Variants in SPECC1L observed in about 807,000 individuals in gnomAD.
The protein encoded by SPECC1L is cytospin-A.
SPECC1L carries 40 observed loss-of-function variants against 116.8 expected under a neutral mutation model. The ratio of observed to expected loss-of-function variants is 0.34; its 90% CI spans 0.27 to 0.45. The LOEUF is 0.45. SPECC1L is among the 20% of genes least tolerant of loss of function. SPECC1L has a pLI of 1.00. For missense variants in SPECC1L, 1,110 were observed against 1,373.6 expected, an observed-to-expected ratio of 0.81 and a Z score of 3.03; for synonymous variants, 504 against 500.6, an observed-to-expected ratio of 1.01 and a Z score of -0.09.
chr22:24,306,222 A>G (rs2049493578), intron 3 of SPECC1L, among the ~76,000 whole-genome samples: 1 of 151,370 alleles, frequency 6.6e-6, no homozygotes, highest in South Asian at 2.1e-4. Context: ...CATTCTTTTT[A>G]TGTGCTCAGT....
intron 2 of SPECC1L, among the ~76,000 whole-genome samples, chr22:24,300,134 C>T (rs1193960775): frequency 2.0e-5 from 3 of 152,190 alleles, no homozygotes; most frequent in East Asian, 1.9e-4. Context: ...TCTCTCCCCT[C>T]GTTCCCCACC....
chr22:24,391,175 G>A (rs536309457), intron 14 of SPECC1L, among the ~76,000 whole-genome samples: 1 of 152,004 alleles, frequency 6.6e-6, no homozygotes, highest in South Asian at 2.1e-4. Flanking sequence ...GCGCCCGGCC[G>A]GGCCTGTGTT....
Position 24,415,141 on chromosome 22 carries a change from G to C in SPECC1L, c.*518G>C, listed in dbSNP as rs895902737. 1 of 192,890 alleles carries C rather than the reference G, an allele frequency of 5.2e-6. No individual in the cohort carries two copies. Among genetic ancestry groups the C allele is most frequent in the Non-Finnish European group, 1.1e-5 (1 of 90,990 alleles). The allele number at this position is 192,890 out of a possible 1,614,324, so 11.9% of individuals were successfully genotyped here. On this transcript the variant is annotated 3_prime_UTR_variant, in exon 17 of 17. Coordinates refer to ENST00000314328, the MANE Select transcript of SPECC1L (RefSeq NM_015330.6). Reference sequence around the variant, plus strand: ...TCACCGTCCTAGTTTGGAGGAGCATGTTCACCACAGACGTGGGTCAGCTGC... The same window carrying C: ...TCACCGTCCTAGTTTGGAGGAGCATCTTCACCACAGACGTGGGTCAGCTGC...
intron 1 of SPECC1L, among the ~76,000 whole-genome samples, chr22:24,275,112 C>T (rs1226819536): frequency 6.6e-6 from 1 of 152,270 alleles, no homozygotes; most frequent in South Asian, 2.1e-4. Context: ...CTCCTGCCTC[C>T]TGCAGACTTG....
At chr22:24,312,664 T>C (rs181857379) in intron 3 of SPECC1L, among the ~76,000 whole-genome samples, 27 of 152,354 alleles carry the variant, frequency 1.8e-4, no homozygotes, top group African/African-American at 6.3e-4. Context: ...TAGTGTTTTT[T>C]AAGGCTCATG....
At chr22:24,340,585 C>T (rs181218982) in intron 10 of SPECC1L, among the ~76,000 whole-genome samples, 108 of 152,094 alleles carry the variant, frequency 7.1e-4, no homozygotes, top group African/African-American at 2.4e-3. Flanking sequence ...TATCAGTTGA[C>T]GTTTAATGTA....
At chr22:24,401,622 C>G (rs1236531879) in intron 14 of SPECC1L, among the ~76,000 whole-genome samples, 1 of 152,210 alleles carries the variant, frequency 6.6e-6, no homozygotes, top group Non-Finnish European at 1.5e-5. Flanking sequence ...TTTTCCAGCA[C>G]TCAGGTTCAC....
intron 2 of SPECC1L, among the ~76,000 whole-genome samples, chr22:24,297,535 C>T (rs1347386800): frequency 1.3e-5 from 2 of 151,922 alleles, no homozygotes; most frequent in East Asian, 3.9e-4. Flanking sequence ...TATATTTAAC[C>T]AATATATATG....
At chr22:24,280,015 G>A (rs2146333208) in intron 2 of SPECC1L, among the ~76,000 whole-genome samples, 1 of 152,182 alleles carries the variant, frequency 6.6e-6, no homozygotes, top group East Asian at 1.9e-4. Flanking sequence ...GTCTTGAATT[G>A]ATGTCTAAAG....
intron 14 of SPECC1L, among the ~76,000 whole-genome samples, chr22:24,392,216 C>T (rs2042287071): frequency 1.3e-5 from 2 of 152,286 alleles, no homozygotes; most frequent in East Asian, 1.9e-4. Context: ...ATTTTTATTA[C>T]GAGTAATGCT....
chr22:24,338,328 C>T, intron 9 of SPECC1L, 58 bp from the exon 10 acceptor site: 5 of 1,534,844 alleles, frequency 3.3e-6, no homozygotes, highest in South Asian at 1.1e-5. Context: ...AAGTGGAGAC[C>T]AGTTAAGCTT....
intron 14 of SPECC1L, among the ~76,000 whole-genome samples, chr22:24,397,137 C>T (rs1601345176): frequency 3.3e-5 from 5 of 152,034 alleles, no homozygotes; most frequent in Admixed American, 3.3e-4. Context: ...GAAGGTGGTG[C>T]CACAGGTGTG....
At chr22:24,292,149 C>T (rs571672865) in intron 2 of SPECC1L, among the ~76,000 whole-genome samples, 3 of 152,256 alleles carry the variant, frequency 2.0e-5, no homozygotes, top group East Asian at 1.9e-4. Context: ...AGCCAGGGAA[C>T]GGCCTTGGAG....
chr22:24,306,338 A>G (rs1049954252), intron 3 of SPECC1L, among the ~76,000 whole-genome samples: 5 of 149,494 alleles, frequency 3.3e-5, no homozygotes, highest in Non-Finnish European at 7.4e-5. Context: ...AAAAATACAT[A>G]CAACATTCAT....
intron 4 of SPECC1L, 123 bp from the exon 5 acceptor site, chr22:24,321,165 A>G (rs1418915375): frequency 9.3e-6 from 10 of 1,076,268 alleles, no homozygotes; most frequent in African/African-American, 1.6e-5. Context: ...AGATTATTGT[A>G]GATCTAAATC....
In SPECC1L at chr22:24,321,348, G is replaced by C; in HGVS notation, c.368G>C (p.Arg123Thr). 6.2e-7 allele frequency: 1 copy of C among 1,614,250 alleles called. No homozygotes were observed. The change falls in exon 5 of 17, where the codon AGA (arginine) becomes ACA (threonine). Residue 123 changes from arginine to threonine, a missense_variant. Coordinates refer to ENST00000314328, the MANE Select transcript of SPECC1L (RefSeq NM_015330.6). ...GGTAATAAAGAATCCAGTTCTACTA[G>C]AGAAAGATTACGTGAACGTACCCGA... ...STGNKESSST[R>T]ERLRERTRLN...
In SPECC1L at chr22:24,395,244, C is replaced by A. The variant is rs150514237; in HGVS notation, c.3088-16344C>A. ...TAACCCAAGATCACAACGATTTTCT[C>A]CTGAAAGTATAATTTTTTATACATT... On this transcript the variant is annotated intron_variant, in intron 14 of 16. Transcript: ENST00000314328. Among the ~76,000 whole-genome samples, 14 of 152,264 alleles carry A rather than the reference C, an allele frequency of 9.2e-5. No individual in the cohort carries two copies. The East Asian group carries it at 2.7e-3, about 29-fold the overall frequency.
chr22:24,331,160 A>T (rs902597230), intron 8 of SPECC1L, among the ~76,000 whole-genome samples: 3 of 152,144 alleles, frequency 2.0e-5, no homozygotes, highest in African/African-American at 7.2e-5. Context: ...CCACACTGAG[A>T]CTCCATCTAA....
intron 3 of SPECC1L, among the ~76,000 whole-genome samples, chr22:24,305,493 T>C (rs1054204898): frequency 6.6e-6 from 1 of 152,144 alleles, no homozygotes; most frequent in Non-Finnish European, 1.5e-5. Flanking sequence ...CAGCGGTCAC[T>C]TCCTTTTCAT....
Sources: gnomAD v4.1 joint callset for allele counts (sites outside exome capture counted in the v4.1 genomes callset) on GRCh38, gnomAD v4.1.1 for gene constraint, MANE v1.5 for transcripts, NCBI Gene and HGNC (gene_info 2026-07-23, HGNC 2026-07-21) for gene names.